ZNF483: variants seen among roughly 807,000 people sequenced by gnomAD.
ZNF483 encodes the protein zinc finger protein 483.
ZNF483 carries 9 observed loss-of-function variants against 28.6 expected under a neutral mutation model. The observed-to-expected ratio is 0.32, with a 90% CI of 0.19 to 0.55. The LOEUF is 0.55. Ranked by LOEUF, ZNF483 falls within the 20% of genes least tolerant of loss-of-function variation. The probability of loss-of-function intolerance (pLI) is 0.93; values close to 1 mark genes in which losing one functional copy is unlikely to be tolerated. For missense variants in ZNF483, 675 were observed against 871.7 expected, an observed-to-expected ratio of 0.77 and a Z score of 2.84; for synonymous variants, 322 against 306.2, an observed-to-expected ratio of 1.05 and a Z score of -0.54.
Position 111,548,482 on chromosome 9 carries a change from T to A in ZNF483, c.*5312T>A, listed in dbSNP as rs1264914812. Among the ~76,000 whole-genome samples, 1 of 152,214 alleles carries A rather than the reference T, an allele frequency of 6.6e-6. No individual in the cohort carries two copies. The highest frequency in any genetic ancestry group is 1.5e-5 in the Non-Finnish European group (1 of 68,030). ...TTTGTATCTTGCAACTTTGCTGAATTTGTTTATTAGTCATAATAGTTTCTT... is the reference window on the plus strand; with the variant it reads ...TTTGTATCTTGCAACTTTGCTGAATATGTTTATTAGTCATAATAGTTTCTT... On this transcript the variant is annotated 3_prime_UTR_variant, in exon 6 of 6. Transcript: ENST00000309235.
At chr9:111,557,230 C>T (rs573053828), downstream of ZNF483, among the ~76,000 whole-genome samples, 21 of 151,934 alleles carry the variant, frequency 1.4e-4, no homozygotes, top group East Asian at 2.6e-3. Context: ...AAAAATTAGC[C>T]GGGCATCATG....
intron 5 of ZNF483, among the ~76,000 whole-genome samples, chr9:111,538,510 C>T (rs376282331): frequency 4.0e-5 from 6 of 148,636 alleles, no homozygotes; most frequent in South Asian, 2.1e-4. Flanking sequence ...AAAAAAACCA[C>T]CTGTAAGTGG....
At chr9:111,569,956 T>TAAGCACAATGACCCAATAGGG in intron 5 of ZNF483, 1 of 1,390,366 alleles carries the variant, frequency 7.2e-7, no homozygotes, top group Non-Finnish European at 9.9e-7. Flanking sequence ...ATTTATACTC[T>TAAGCACAATGACCCAATAGGG]AAGCACAATG....
intron 5 of ZNF483, among the ~76,000 whole-genome samples, chr9:111,566,658 A>G (rs1024718504): frequency 2.6e-5 from 4 of 152,150 alleles, no homozygotes; most frequent in Non-Finnish European, 5.9e-5. Context: ...TGGCACATGT[A>G]TGCACCCCTC....
rs185037954 is a variant in ZNF483, at chr9:111,543,439, T to C, written c.*269T>C. 4.8e-4 allele frequency: 563 copies of C among 1,183,088 alleles called. No homozygotes were observed. The highest frequency in any genetic ancestry group is 5.8e-4 in the Non-Finnish European group (549 of 953,282). 73.3% of individuals were successfully genotyped at this position (1,183,088 alleles called of 1,614,324 possible). A position where few individuals can be genotyped will look rare whatever the true frequency, so the allele number is the denominator to read the frequency against. On this transcript the variant is annotated 3_prime_UTR_variant, in exon 6 of 6. Transcript: ENST00000309235. ...GAAAAGCTCTTTTCTTCAGGGGATT[T>C]CTCTCTGATTTCTTCTACTACCATG...
intron 2 of ZNF483, among the ~76,000 whole-genome samples, chr9:111,528,831 T>C (rs1289133375): frequency 6.6e-6 from 1 of 152,184 alleles, no homozygotes; most frequent in Non-Finnish European, 1.5e-5. Context: ...AGGGCCTCTT[T>C]GTGGAGGCCC....
intron 2 of ZNF483, among the ~76,000 whole-genome samples, chr9:111,529,437 G>A (rs1043578190): frequency 2.6e-5 from 4 of 152,218 alleles, no homozygotes; most frequent in African/African-American, 4.8e-5. Flanking sequence ...TGAAGGTACT[G>A]CATACATTTA....
chr9:111,570,227 C>A, intron 5 of ZNF483: 1 of 1,607,698 alleles, frequency 6.2e-7, no homozygotes, highest in Non-Finnish European at 8.5e-7. Flanking sequence ...GAGAAGGGCA[C>A]ATTTGGGTGG....
intron 3 of ZNF483, among the ~76,000 whole-genome samples, chr9:111,531,976 C>G (rs192770573): frequency 6.6e-6 from 1 of 152,302 alleles, no homozygotes; most frequent in African/African-American, 2.4e-5. Flanking sequence ...AGCCACTGTG[C>G]CCAGACAGAA....
chr9:111,536,479 G>A (rs1398595184), intron 5 of ZNF483, among the ~76,000 whole-genome samples: 1 of 152,046 alleles, frequency 6.6e-6, no homozygotes, highest in African/African-American at 2.4e-5. Context: ...GAGCCGAGAT[G>A]GCGCCACAGC....
chr9:111,572,548 C>T (rs1394482019), intron 5 of ZNF483, among the ~76,000 whole-genome samples: 1 of 151,968 alleles, frequency 6.6e-6, no homozygotes, highest in African/African-American at 2.4e-5. Flanking sequence ...CGAGATCGTG[C>T]CATTGCACTC....
At chr9:111,555,460 A>T (rs1454827608), downstream of ZNF483, among the ~76,000 whole-genome samples, 2 of 152,024 alleles carry the variant, frequency 1.3e-5, no homozygotes, top group African/African-American at 4.8e-5. Context: ...TGTTAATAAA[A>T]TTTTTCCTCT....
chr9:111,557,726 G>A (rs759771700), downstream of ZNF483, among the ~76,000 whole-genome samples: 17 of 152,084 alleles, frequency 1.1e-4, no homozygotes, highest in Non-Finnish European at 2.1e-4. Context: ...CATTGTGCCC[G>A]GCCCATTTGT....
rs529555198 is a variant in ZNF483 at position 111,546,187 on chromosome 9, C to T, written c.*3017C>T. The stretch of plus-strand genomic sequence containing the variant: ...AAGCATCTTTTATGTGCTCTTCAGC[C>T]ATTCATGTATCTTAGTGAAATGTTT... On this transcript the variant is annotated 3_prime_UTR_variant, in exon 6 of 6. Coordinates refer to ENST00000309235, the MANE Select transcript of ZNF483 (RefSeq NM_133464.5). 6.6e-6 allele frequency among the ~76,000 whole-genome samples: 1 copy of T among 152,268 alleles called. No individual in the cohort carries two copies. Among genetic ancestry groups the T allele is most frequent in the Admixed American group, 6.5e-5 (1 of 15,288 alleles).
Position 111,554,096 on chromosome 9 carries a change from C to T in ZNF483, c.*10926C>T, listed in dbSNP as rs1302496998. Among the ~76,000 whole-genome samples, 1 of 152,216 alleles carries T rather than the reference C, an allele frequency of 6.6e-6. No homozygotes were observed. The highest frequency in any genetic ancestry group is 1.9e-4 in the East Asian group (1 of 5,196). ...TTCCCATTCCACTCTAGAGATCTCA[C>T]ACAGGCTTCCCAGGATATTTTAAAA... On this transcript the variant is annotated 3_prime_UTR_variant, in exon 6 of 6. Coordinates refer to ENST00000309235, the MANE Select transcript of ZNF483 (RefSeq NM_133464.5).
rs75070065 is a variant in ZNF483 at position 111,566,925 on chromosome 9, A to G, written c.722-9440A>G. On this transcript the variant is annotated intron_variant, in intron 5 of 5. Transcript: ENST00000358151. The stretch of plus-strand genomic sequence containing the variant: ...AACATGGTGAAAGCCCTTCTCTACG[A>G]AAAACACAAAAAAACTAGCCAGGTG... Among the ~76,000 whole-genome samples, 742 of 152,228 alleles carry G rather than the reference A, an allele frequency of 4.9e-3. 10 individuals carry two copies. The highest frequency in any genetic ancestry group is 0.017 in the African/African-American group (700 of 41,550).
intron 3 of ZNF483, among the ~76,000 whole-genome samples, chr9:111,532,202 G>A (rs1053950187): frequency 1.3e-5 from 2 of 152,004 alleles, no homozygotes; most frequent in Non-Finnish European, 2.9e-5. Flanking sequence ...TCAGCTACCC[G>A]GGATCTGAGG....
At position 111,544,929 on chromosome 9, in the gene ZNF483, G is replaced by T. The variant is rs990157547; in HGVS notation, c.*1759G>T. 2.0e-5 allele frequency among the ~76,000 whole-genome samples: 3 copies of T among 152,062 alleles called. No individual in the cohort carries two copies. Among genetic ancestry groups the T allele is most frequent in the Non-Finnish European group, 4.4e-5 (3 of 68,004 alleles). ...ATAAGTTCCTAAAGTTGAAATTGTG[G>T]GCACCTCCTATAAAAAGAGAGCTAA... On this transcript the variant is annotated 3_prime_UTR_variant, in exon 6 of 6. Coordinates refer to ENST00000309235, the MANE Select transcript of ZNF483 (RefSeq NM_133464.5).
rs746913149 is a variant in ZNF483, at chr9:111,530,888, A to G, written c.426A>G (p.Gln142=). 2.0e-6 allele frequency: 3 copies of G among 1,504,754 alleles called. No homozygotes were observed. Among genetic ancestry groups the G allele is most frequent in the East Asian group, 2.5e-5 (1 of 40,758 alleles). 93.2% of individuals were successfully genotyped at this position (1,504,754 alleles called of 1,614,324 possible). The part of the protein sequence containing the change: ...QMLEEKDPVS[Q]DSTVSQEENS... ...CCCCTTTCCTAGATCCAGTCTCTCA[A>G]GATTCTACTGTTTCCCAAGAGGAGA... The change falls in exon 3 of 6, where the codon CAA becomes CAG. Residue 142 remains glutamine, a synonymous_variant. Coordinates refer to ENST00000309235, the MANE Select transcript of ZNF483 (RefSeq NM_133464.5).
Sources: gnomAD v4.1 joint callset for allele counts (sites outside exome capture counted in the v4.1 genomes callset) on GRCh38, gnomAD v4.1.1 for gene constraint, MANE v1.5 for transcripts, NCBI Gene and HGNC (gene_info 2026-07-23, HGNC 2026-07-21) for gene names.